DLG2: variants seen among roughly 807,000 people sequenced by gnomAD.
DLG2 encodes the protein discs large MAGUK scaffold protein 2.
A neutral mutation model predicts 132.5 loss-of-function variants in DLG2; 45 were observed. The observed-to-expected ratio is 0.34, with a 90% CI of 0.27 to 0.44. The LOEUF (loss-of-function observed/expected upper bound fraction) is 0.44, where lower values mean the gene tolerates loss of function less well. DLG2 is among the 20% of genes least tolerant of loss of function. The probability of loss-of-function intolerance (pLI) is 1.00; values close to 1 mark genes in which losing one functional copy is unlikely to be tolerated. For synonymous variants in DLG2, 424 were observed against 419.6 expected (o/e 1.01, Z -0.13); for missense variants, 1,045 against 1,196.9 (o/e 0.87, Z 1.87).
At chr11:83,742,749 T>C (rs1392907786) in intron 18 of DLG2, among the ~76,000 whole-genome samples, 1 of 152,234 alleles carries the variant, frequency 6.6e-6, no homozygotes, top group Non-Finnish European at 1.5e-5. Context: ...TCCTGGTCCA[T>C]ATTGTCATTT....
At chr11:84,001,338 A>C (rs1397642893) in intron 11 of DLG2, among the ~76,000 whole-genome samples, 1 of 150,702 alleles carries the variant, frequency 6.6e-6, no homozygotes, top group Non-Finnish European at 1.5e-5. Flanking sequence ...AAAAAAAAAC[A>C]GTAAAAAAGA....
chr11:85,176,496 A>G (rs2079257089), intron 4 of DLG2, among the ~76,000 whole-genome samples: 2 of 152,216 alleles, frequency 1.3e-5, no homozygotes, highest in African/African-American at 2.4e-5. Context: ...ATAAAACTCA[A>G]AACTATGAAA....
intron 3 of DLG2, among the ~76,000 whole-genome samples, chr11:85,571,314 T>C (rs532643179): frequency 1.1e-4 from 17 of 152,212 alleles, no homozygotes; most frequent in Non-Finnish European, 2.1e-4. Context: ...TAACCTTTTA[T>C]GAACTAATTT....
chr11:85,399,554 A>T (rs898970790), intron 3 of DLG2, among the ~76,000 whole-genome samples: 1 of 152,146 alleles, frequency 6.6e-6, no homozygotes, highest in South Asian at 2.1e-4. Context: ...CAGTAACCAA[A>T]ACAGCATGGT....
At chr11:84,406,170 T>C (rs2098848264) in intron 7 of DLG2, among the ~76,000 whole-genome samples, 1 of 152,174 alleles carries the variant, frequency 6.6e-6, no homozygotes, top group Non-Finnish European at 1.5e-5. Context: ...GTCACCACAC[T>C]TAACCCCTGA....
At chr11:84,581,723 A>G (rs558002962) in intron 6 of DLG2, among the ~76,000 whole-genome samples, 10 of 152,090 alleles carry the variant, frequency 6.6e-5, no homozygotes, top group Non-Finnish European at 1.5e-4. Flanking sequence ...CCTGGCCAAC[A>G]TGGTGAAAAC....
intron 10 of DLG2, among the ~76,000 whole-genome samples, chr11:84,075,615 A>C (rs2154149182): frequency 6.6e-6 from 1 of 152,308 alleles, no homozygotes; most frequent in East Asian, 1.9e-4. Context: ...GTACTGCCAA[A>C]GGTTGTGAGC....
intron 6 of DLG2, among the ~76,000 whole-genome samples, chr11:84,984,366 G>A (rs2056192993): frequency 6.6e-6 from 1 of 152,140 alleles, no homozygotes; most frequent in Non-Finnish European, 1.5e-5. Flanking sequence ...CAAGAATTTT[G>A]TATCCAGTGA....
At chr11:84,247,313 C>T (rs556584704) in intron 8 of DLG2, among the ~76,000 whole-genome samples, 1 of 152,262 alleles carries the variant, frequency 6.6e-6, no homozygotes, top group East Asian at 1.9e-4. Flanking sequence ...TTGGCTGAGT[C>T]AACCTTCAGG....
intron 6 of DLG2, among the ~76,000 whole-genome samples, chr11:84,633,527 T>A (rs976085990): frequency 6.6e-6 from 1 of 151,998 alleles, no homozygotes; most frequent in Non-Finnish European, 1.5e-5. Flanking sequence ...TCTTCCCCTA[T>A]CCCTGGATGA....
chr11:83,992,475 G>T (rs1030855697), intron 11 of DLG2, among the ~76,000 whole-genome samples: 1 of 152,110 alleles, frequency 6.6e-6, no homozygotes, highest in African/African-American at 2.4e-5. Flanking sequence ...AAATAAGGGA[G>T]TGGGGAGACA....
intron 3 of DLG2, among the ~76,000 whole-genome samples, chr11:85,426,619 C>T (rs1002540012): frequency 2.0e-5 from 3 of 152,096 alleles, no homozygotes; most frequent in Admixed American, 6.6e-5. Flanking sequence ...CACCAAAACC[C>T]CATCTGTACG....
intron 6 of DLG2, among the ~76,000 whole-genome samples, chr11:84,577,347 G>C (rs1235303629): frequency 6.6e-6 from 1 of 152,182 alleles, no homozygotes; most frequent in African/African-American, 2.4e-5. Context: ...ACAGTTTGGA[G>C]GGCTCAGAAG....
At chr11:84,227,403 G>T (rs925489934) in intron 8 of DLG2, among the ~76,000 whole-genome samples, 12 of 152,096 alleles carry the variant, frequency 7.9e-5, no homozygotes, top group African/African-American at 2.9e-4. Context: ...CTTAGAGGAG[G>T]TCATGAGTGT....
rs142474360 is a variant in DLG2 at position 84,961,748 on chromosome 11, T to G, written c.357+149913A>C. Among the ~76,000 whole-genome samples, 275 of 152,238 alleles carry G rather than the reference T, an allele frequency of 1.8e-3. 1 individual carries two copies. The highest frequency in any genetic ancestry group is 6.3e-3 in the African/African-American group (263 of 41,554). On this transcript the variant is annotated intron_variant, in intron 6 of 27. Coordinates refer to ENST00000376104, the MANE Select transcript of DLG2 (RefSeq NM_001142699.3). Reference sequence around the variant, plus strand: ...AAATATGCTCCTCCACCCAAGCAACTTTCACTTAAAGGCAGTTTTTCAAGC... The same window carrying G: ...AAATATGCTCCTCCACCCAAGCAACGTTCACTTAAAGGCAGTTTTTCAAGC...
chr11:85,002,315 T>C (rs1172635844), intron 6 of DLG2, among the ~76,000 whole-genome samples: 1 of 152,108 alleles, frequency 6.6e-6, no homozygotes, highest in Non-Finnish European at 1.5e-5. Context: ...AAAAGAAAGG[T>C]ATTACAAAAA....
intron 6 of DLG2, among the ~76,000 whole-genome samples, chr11:85,075,180 T>C (rs2066362749): frequency 6.6e-6 from 1 of 152,046 alleles, no homozygotes; most frequent in Admixed American, 6.6e-5. Flanking sequence ...GGTGCATATA[T>C]GAGGAAACTG....
intron 6 of DLG2, among the ~76,000 whole-genome samples, chr11:84,802,557 G>A (rs536906448): frequency 1.3e-5 from 2 of 148,332 alleles, no homozygotes; most frequent in East Asian, 4.2e-4. Flanking sequence ...AAATACCCTG[G>A]TATTTTTCTT....
intron 6 of DLG2, among the ~76,000 whole-genome samples, chr11:84,875,919 G>A (rs1030615881): frequency 1.3e-5 from 2 of 152,086 alleles, no homozygotes; most frequent in Non-Finnish European, 2.9e-5. Flanking sequence ...TGTATTTTTA[G>A]TAGAGACGGG....
Sources: gnomAD v4.1 joint callset for allele counts (sites outside exome capture counted in the v4.1 genomes callset) on GRCh38, gnomAD v4.1.1 for gene constraint, MANE v1.5 for transcripts, NCBI Gene and HGNC (gene_info 2026-07-23, HGNC 2026-07-21) for gene names.